Variants in PCDHGB5 observed in about 807,000 individuals in gnomAD.
PCDHGB5 encodes the protein protocadherin gamma subfamily B, 5.
PCDHGB5 carries 48 observed loss-of-function variants against 62.9 expected under a neutral mutation model. That is an observed-to-expected ratio of 0.76 (90% CI 0.61 to 0.97). The LOEUF is 0.97. Ranked by LOEUF, PCDHGB5 falls within the 50% of genes least tolerant of loss-of-function variation. The pLI is 0.00. For synonymous variants in PCDHGB5, 474 were observed against 511.2 expected, an observed-to-expected ratio of 0.93 and a Z score of 0.98; for missense variants, 1,118 against 1,198.6, an observed-to-expected ratio of 0.93 and a Z score of 0.99.
Position 141,485,563 on chromosome 5 carries a change from C to T in PCDHGB5, c.2398-9244C>T, listed in dbSNP as rs746689576. The T allele has an allele frequency of 1.2e-5, 19 of 1,612,904 alleles. No homozygotes were observed. In the South Asian group the frequency reaches 1.6e-4, roughly 14 times the overall value. ...AGATCGTAGATGTGAATGATCACGCCCCCCGTTTTCCGCGGCAGCAGCTGG... is the reference window on the plus strand; with the variant it reads ...AGATCGTAGATGTGAATGATCACGCTCCCCGTTTTCCGCGGCAGCAGCTGG... On this transcript the variant is annotated intron_variant, in intron 1 of 3. Coordinates refer to ENST00000617380, the MANE Select transcript of PCDHGB5 (RefSeq NM_018925.3). This position sits in a 1 kb window ranked among gnomAD's most constrained non-coding sequence, Gnocchi z 5.7.
rs150714552 is a variant in PCDHGB5, at chr5:141,473,285, G to A, written c.2398-21522G>A. On this transcript the variant is annotated intron_variant, in intron 1 of 3. Transcript: ENST00000617380. ...GTGTATGCTATGATTATTTTACTATGTCAGTAGCATAAAGATTGCTATATT... is the reference window on the plus strand; with the variant it reads ...GTGTATGCTATGATTATTTTACTATATCAGTAGCATAAAGATTGCTATATT... 3.9e-3 allele frequency among the ~76,000 whole-genome samples: 590 copies of A among 152,296 alleles called. 6 individuals are homozygous for A. Among genetic ancestry groups the A allele is most frequent in the Admixed American group, 0.011 (170 of 15,296 alleles).
chr5:141,409,341 G>C, intron 1 of PCDHGB5: 1 of 1,613,976 alleles, frequency 6.2e-7, no homozygotes, highest in Non-Finnish European at 8.5e-7. Flanking sequence ...GGAGGAAATG[G>C]AGAAGTCAGG....
chr5:141,418,102 C>T (rs760484009), intron 1 of PCDHGB5: 15 of 1,614,014 alleles, frequency 9.3e-6, no homozygotes, highest in Non-Finnish European at 1.3e-5. Context: ...ACGCGCAGAG[C>T]GGGGACTTAC....
At chr5:141,450,932 C>G (rs868373954) in intron 1 of PCDHGB5, among the ~76,000 whole-genome samples, 1 of 151,134 alleles carries the variant, frequency 6.6e-6, no homozygotes, top group Admixed American at 6.6e-5. Context: ...TCAAGCAATT[C>G]TCCTACCTCA....
intron 1 of PCDHGB5, chr5:141,408,333 G>T (rs746692686): frequency 3.7e-6 from 6 of 1,613,924 alleles, no homozygotes; most frequent in Admixed American, 3.3e-5. Flanking sequence ...CTGGCCAAGG[G>T]CTCGGTGGTG....
chr5:141,403,340 G>T, intron 1 of PCDHGB5: 3 of 1,613,982 alleles, frequency 1.9e-6, no homozygotes, highest in African/African-American at 1.3e-5. Flanking sequence ...TAACGACAGC[G>T]CCCCAAAGTT....
chr5:141,485,009 C>A lies in PCDHGB5; in HGVS notation c.2398-9798C>A, dbSNP rs531346426. 4 of 628,216 alleles carry A rather than the reference C, an allele frequency of 6.4e-6. No individual in the cohort carries two copies. Among genetic ancestry groups the A allele is most frequent in the African/African-American group, 3.7e-5 (2 of 54,100 alleles). 38.9% of individuals were successfully genotyped at this position (628,216 alleles called of 1,614,324 possible). On this transcript the variant is annotated intron_variant, in intron 1 of 3. Transcript: ENST00000617380. This position sits in a 1 kb window ranked among gnomAD's most constrained non-coding sequence, Gnocchi z 5.7. Reference sequence around the variant, plus strand: ...GGTGGTGAAAGGCAGACAAATCTACCCCGCCACCAGCAAAAACGGCGCGTA... The same window carrying A: ...GGTGGTGAAAGGCAGACAAATCTACACCGCCACCAGCAAAAACGGCGCGTA...
At chr5:141,478,074 A>G in intron 1 of PCDHGB5, 1 of 1,614,090 alleles carries the variant, frequency 6.2e-7, no homozygotes, top group Non-Finnish European at 8.5e-7. Context: ...GACAATGGGG[A>G]GCCTTCGCTC....
At chr5:141,400,560 C>CGTAA in intron 1 of PCDHGB5, 36 bp downstream of exon 1, 5 of 1,613,248 alleles carry the variant, frequency 3.1e-6, no homozygotes, top group Non-Finnish European at 3.4e-6. Flanking sequence ...TTTCATTACC[C>CGTAA]ACCCAATTTT....
chr5:141,419,196 A>G (rs2096342064), intron 1 of PCDHGB5: 1 of 1,613,994 alleles, frequency 6.2e-7, no homozygotes, highest in Middle Eastern at 1.6e-4. Context: ...ACTGACGTCA[A>G]TGACAACGCG....
At chr5:141,465,150 G>A (rs192648619) in intron 1 of PCDHGB5, among the ~76,000 whole-genome samples, 474 of 151,492 alleles carry the variant, frequency 3.1e-3, no homozygotes, top group Middle Eastern at 0.024. Context: ...GATATATGAA[G>A]GGACTCTAAA....
chr5:141,472,623 TAA>T (rs2099291037), intron 1 of PCDHGB5, among the ~76,000 whole-genome samples: 1 of 152,018 alleles, frequency 6.6e-6, no homozygotes, highest in Non-Finnish European at 1.5e-5. Context: ...AGAAAAAAGA[TAA>T]AGACTGGGAA....
chr5:141,501,141 A>G (rs940603527), intron 2 of PCDHGB5, among the ~76,000 whole-genome samples: 8 of 152,184 alleles, frequency 5.3e-5, no homozygotes, highest in Admixed American at 5.2e-4. Context: ...TGCTGGGATT[A>G]CAGGTGGGAG....
chr5:141,472,533 C>A (rs1200612581), intron 1 of PCDHGB5, among the ~76,000 whole-genome samples: 3 of 150,970 alleles, frequency 2.0e-5, no homozygotes, highest in African/African-American at 7.3e-5. Flanking sequence ...GAGTGAGACA[C>A]CATCTCAAGA....
chr5:141,482,032 C>T (rs1370023352), intron 1 of PCDHGB5, among the ~76,000 whole-genome samples: 1 of 151,018 alleles, frequency 6.6e-6, no homozygotes, highest in African/African-American at 2.4e-5. Flanking sequence ...TTGCAGTGAG[C>T]CAAGATCATG....
Position 141,400,102 on chromosome 5 carries a change from G to A in PCDHGB5, c.1975G>A (p.Val659Ile), listed in dbSNP as rs376189143. Residue 659 changes from valine to isoleucine, a missense_variant, in exon 1 of 4, where the codon GTC becomes ATC. Physicochemically the swap from Val to Ile is conservative, Grantham distance 29. Transcript: ENST00000617380. ...PLSATATLHL[V>I]FADSLQEVLP... ...CTCCGCCACCGCCACGCTGCACTTG[G>A]TCTTTGCTGACAGCTTGCAGGAGGT... The A allele has an allele frequency of 1.2e-6, 2 of 1,614,084 alleles. No individual in the cohort carries two copies. The highest frequency in any genetic ancestry group is 1.7e-6 in the Non-Finnish European group (2 of 1,179,898).
In PCDHGB5 at chr5:141,432,361, G is replaced by A; in HGVS notation, c.2397+31837G>A. 1 of 1,614,230 alleles carries A rather than the reference G, an allele frequency of 6.2e-7. No individual in the cohort carries two copies. Among genetic ancestry groups the A allele is most frequent in the Non-Finnish European group, 8.5e-7 (1 of 1,180,050 alleles). On this transcript the variant is annotated intron_variant, in intron 1 of 3. Coordinates refer to ENST00000617380, the MANE Select transcript of PCDHGB5 (RefSeq NM_018925.3). The surrounding 1 kb of genome is among the most constrained non-coding windows in gnomAD (Gnocchi z 6.0). Reference sequence around the variant, plus strand: ...GAGACTTGCAAGTGAAAGTGATGGCGCGGGACAACGGGCACCCGCCCCTCA... The same window carrying A: ...GAGACTTGCAAGTGAAAGTGATGGCACGGGACAACGGGCACCCGCCCCTCA...
chr5:141,414,227 T>C (rs771676386), intron 1 of PCDHGB5: 2 of 1,613,430 alleles, frequency 1.2e-6, no homozygotes, highest in Non-Finnish European at 1.7e-6. Flanking sequence ...AGTCCAGAGC[T>C]GACCATCACG....
chr5:141,421,842 A>G (rs1209505923), intron 1 of PCDHGB5: 1 of 1,613,744 alleles, frequency 6.2e-7, no homozygotes, highest in Non-Finnish European at 8.5e-7. Context: ...ACCGAGAGAA[A>G]GAGGCTGCTC....
Sources: gnomAD v4.1 joint callset for allele counts (sites outside exome capture counted in the v4.1 genomes callset) on GRCh38, gnomAD v4.1.1 for gene constraint, Gnocchi (gnomAD v3.1) non-coding constraint, MANE v1.5 for transcripts, NCBI Gene and HGNC (gene_info 2026-07-23, HGNC 2026-07-21) for gene names.